Variants in TRHDE observed in about 807,000 individuals in gnomAD.
The protein encoded by TRHDE is thyrotropin-releasing hormone-degrading ectoenzyme.
TRHDE carries 72 observed loss-of-function variants against 125.7 expected under a neutral mutation model. The observed-to-expected ratio is 0.57, with a 90% CI of 0.47 to 0.70. TRHDE has a LOEUF of 0.70. Among genes scored for constraint, TRHDE ranks in the 30% least tolerant of loss-of-function variants. The pLI, the probability that TRHDE is intolerant of heterozygous loss-of-function variation, is 0.00. For synonymous variants in TRHDE, 509 were observed against 509.1 expected (o/e 1.00, Z 0.00); for missense variants, 1,110 against 1,327.1 (o/e 0.84, Z 2.54).
intron 12 of TRHDE, among the ~76,000 whole-genome samples, chr12:72,597,718 T>C (rs1297441137): frequency 5.2e-3 from 19 of 3,640 alleles, no homozygotes; most frequent in South Asian, 0.025. Flanking sequence ...TGTATGTATA[T>C]ATATATATAT....
chr12:72,545,631 A>G (rs952674479), intron 7 of TRHDE, among the ~76,000 whole-genome samples: 1 of 151,566 alleles, frequency 6.6e-6, no homozygotes, highest in Non-Finnish European at 1.5e-5. Flanking sequence ...TTATATGACT[A>G]TCAATACATA....
intron 2 of TRHDE, among the ~76,000 whole-genome samples, chr12:72,108,507 T>A (rs1875240888): frequency 6.6e-6 from 1 of 152,160 alleles, no homozygotes; most frequent in South Asian, 2.1e-4. Context: ...TGTTTATTTT[T>A]GCAAGTAGTC....
chr12:72,417,388 T>G (rs964629152), intron 3 of TRHDE, among the ~76,000 whole-genome samples: 1 of 152,018 alleles, frequency 6.6e-6, no homozygotes. Context: ...TTCTTCAAAT[T>G]TCACATCTGC....
In TRHDE at chr12:72,117,855, GT is replaced by G. The variant is rs1171423895; in HGVS notation, n.279+12114del. Among the ~76,000 whole-genome samples, 38 of 136,144 alleles carry G rather than the reference GT, an allele frequency of 2.8e-4. No individual in the cohort carries two copies. The East Asian group carries it at 3.7e-3, about 13-fold the overall frequency. The allele number at this position is 136,144 out of a possible 152,430, so 89.3% of individuals were successfully genotyped here. Reference sequence around the variant, plus strand: ...CTATTGTAAATGAAACTATTTCTTGGTTTTTTTTTTTCAGATTGTTCACTGC... The same window carrying G: ...CTATTGTAAATGAAACTATTTCTTGGTTTTTTTTTTCAGATTGTTCACTGC... On this transcript the variant is annotated intron_variant and non_coding_transcript_variant, in intron 2 of 4. Transcript: ENST00000548156.
intron 3 of TRHDE, among the ~76,000 whole-genome samples, chr12:72,387,601 G>C (rs1592409193): frequency 6.6e-6 from 1 of 152,094 alleles, no homozygotes; most frequent in Non-Finnish European, 1.5e-5. Context: ...TACTCATAAA[G>C]TCTAAGATTC....
intron 6 of TRHDE, among the ~76,000 whole-genome samples, chr12:72,522,422 T>C (rs560149659): frequency 1.3e-5 from 2 of 152,346 alleles, no homozygotes; most frequent in South Asian, 2.1e-4. Flanking sequence ...CTAATACTTA[T>C]AGTTCAGGAT....
intron 15 of TRHDE, among the ~76,000 whole-genome samples, chr12:72,635,398 A>T (rs1044398051): frequency 6.6e-6 from 1 of 151,782 alleles, no homozygotes. Context: ...GATTCTGGAT[A>T]TTAGCCCTTT....
rs566276858 is a variant in TRHDE at position 72,189,778 on chromosome 12, C to G, written n.279+84026C>G. On this transcript the variant is annotated intron_variant and non_coding_transcript_variant, in intron 2 of 4. Coordinates refer to the TRHDE transcript ENST00000548156. ...CTATTTATGGAGGGAACCCATAAAG[C>G]TATCAGTTTTGGGTGAGAGTGGGAG... 5.9e-4 allele frequency among the ~76,000 whole-genome samples: 90 copies of G among 152,206 alleles called. 1 individual carries two copies. The East Asian group carries it at 0.016, about 27-fold the overall frequency.
chr12:72,128,668 A>G (rs1313941123), intron 2 of TRHDE, among the ~76,000 whole-genome samples: 1 of 152,200 alleles, frequency 6.6e-6, no homozygotes, highest in Non-Finnish European at 1.5e-5. Context: ...ATGGCAGATG[A>G]CATATCACAG....
chr12:72,601,180 G>A (rs954508246), intron 12 of TRHDE, among the ~76,000 whole-genome samples: 4 of 152,032 alleles, frequency 2.6e-5, no homozygotes, highest in Admixed American at 6.5e-5. Context: ...GATTCCAACT[G>A]TCTGGGATGA....
intron 6 of TRHDE, among the ~76,000 whole-genome samples, chr12:72,517,554 G>C (rs1330519555): frequency 6.6e-6 from 1 of 151,838 alleles, no homozygotes; most frequent in Non-Finnish European, 1.5e-5. Flanking sequence ...TATTAGTCTT[G>C]CTAGCGGTCT....
intron 3 of TRHDE, among the ~76,000 whole-genome samples, chr12:72,457,788 G>C (rs1052018161): frequency 1.3e-5 from 2 of 152,022 alleles, no homozygotes; most frequent in Non-Finnish European, 2.9e-5. Flanking sequence ...TTCTTTTAAA[G>C]GTAACCACTT....
At chr12:72,402,189 G>T (rs1873072165) in intron 3 of TRHDE, among the ~76,000 whole-genome samples, 1 of 151,902 alleles carries the variant, frequency 6.6e-6, no homozygotes, top group Non-Finnish European at 1.5e-5. Flanking sequence ...CAATCTTTTG[G>T]CTTCCCTGGG....
chr12:72,324,052 G>A (rs1480668721), intron 2 of TRHDE, among the ~76,000 whole-genome samples: 1 of 152,070 alleles, frequency 6.6e-6, no homozygotes, highest in South Asian at 2.1e-4. Flanking sequence ...AACACTTCCT[G>A]TGCATGTTTA....
chr12:72,319,769 T>C (rs115652962), intron 2 of TRHDE, among the ~76,000 whole-genome samples: 3,690 of 152,298 alleles, frequency 0.024, 134 homozygotes, highest in African/African-American at 0.084. Flanking sequence ...TGTTTTGATA[T>C]TGTGGAGAAT....
chr12:72,181,390 A>G (rs1372188080), intron 2 of TRHDE, among the ~76,000 whole-genome samples: 1 of 152,114 alleles, frequency 6.6e-6, no homozygotes, highest in Non-Finnish European at 1.5e-5. Context: ...CTTTATTGGA[A>G]TTTGTTAAGA....
intron 3 of TRHDE, among the ~76,000 whole-genome samples, chr12:72,397,139 G>T (rs994227394): frequency 6.6e-6 from 1 of 152,166 alleles, no homozygotes; most frequent in South Asian, 2.1e-4. Context: ...TTCGTAAACG[G>T]CAAACCCATG....
At chr12:72,114,016 T>C (rs1875383919) in intron 2 of TRHDE, among the ~76,000 whole-genome samples, 1 of 152,072 alleles carries the variant, frequency 6.6e-6, no homozygotes, top group Non-Finnish European at 1.5e-5. Context: ...AGAATCTTCA[T>C]TGGTTCTGTC....
At chr12:72,208,483 T>A (rs1877713494) in intron 2 of TRHDE, among the ~76,000 whole-genome samples, 1 of 151,756 alleles carries the variant, frequency 6.6e-6, no homozygotes, top group African/African-American at 2.4e-5. Context: ...ATGAGCTCAG[T>A]CATTGCAGCC....
Sources: allele counts gnomAD v4.1 joint callset (sites outside exome capture counted in the v4.1 genomes callset), GRCh38; gene constraint gnomAD v4.1.1; transcripts MANE v1.5; gene names NCBI Gene and HGNC (gene_info 2026-07-23, HGNC 2026-07-21).